The following NAALADL2 variants were observed in gnomAD, a reference collection of about 807,000 sequenced individuals.
The protein encoded by NAALADL2 is N-acetylated alpha-linked acidic dipeptidase like 2.
A neutral mutation model predicts 87.2 loss-of-function variants in NAALADL2; 76 were observed. That is an observed-to-expected ratio of 0.87 (90% CI 0.72 to 1.05). The LOEUF (loss-of-function observed/expected upper bound fraction) is 1.05, where lower values mean the gene tolerates loss of function less well. NAALADL2 is among the 50% of genes least tolerant of loss of function. The pLI is 0.00. For synonymous variants in NAALADL2, 354 were observed against 331.0 expected, an observed-to-expected ratio of 1.07 and a Z score of -0.75; for missense variants, 1,089 against 945.8, an observed-to-expected ratio of 1.15 and a Z score of -1.99.
At chr3:175,787,056 G>T (rs1752092962) in intron 13 of NAALADL2, among the ~76,000 whole-genome samples, 1 of 152,086 alleles carries the variant, frequency 6.6e-6, no homozygotes, top group South Asian at 2.1e-4. Flanking sequence ...ACTTGAGGAG[G>T]CAGTCTGCCT....
chr3:175,772,113 A>G (rs1749573111), intron 13 of NAALADL2, among the ~76,000 whole-genome samples: 1 of 152,190 alleles, frequency 6.6e-6, no homozygotes, highest in Non-Finnish European at 1.5e-5. Context: ...CTTTTTGCAA[A>G]TAAGGTAGCA....
chr3:175,001,908 A>G (rs984916449), intron 1 of NAALADL2, among the ~76,000 whole-genome samples: 1 of 152,122 alleles, frequency 6.6e-6, no homozygotes, highest in African/African-American at 2.4e-5. Flanking sequence ...CATGCCTACA[A>G]CAGTTTCTTT....
intron 3 of NAALADL2, among the ~76,000 whole-genome samples, chr3:174,767,799 ATATGTTTG>A (rs778378923): frequency 6.6e-6 from 1 of 152,142 alleles, no homozygotes; most frequent in South Asian, 2.1e-4. Context: ...TTATATGTTT[ATATGTTTG>A]TTTTCCTGTG....
intron 12 of NAALADL2, among the ~76,000 whole-genome samples, chr3:175,745,812 T>C (rs2150109718): frequency 6.6e-6 from 1 of 152,288 alleles, no homozygotes; most frequent in East Asian, 1.9e-4. Flanking sequence ...CTTACTAAAT[T>C]TGATGCTCCT....
intron 5 of NAALADL2, among the ~76,000 whole-genome samples, chr3:175,437,020 T>C (rs1232714423): frequency 7.8e-6 from 1 of 127,474 alleles, no homozygotes; most frequent in African/African-American, 3.0e-5. Context: ...CTTGAATTGA[T>C]TTTTGTATAA....
rs1482242090 is a variant in NAALADL2, at chr3:175,234,208, A to G, written c.819+4A>G. The G allele has an allele frequency of 8.7e-6, 14 of 1,612,174 alleles. No homozygotes were observed. The highest frequency in any genetic ancestry group is 5.3e-5 in the African/African-American group (4 of 74,856). ...TTCTGCCAAAGGAACTCTCAAGGTA[A>G]TATGACCATTTGTCTCTGTCATTTA... On this transcript the variant is annotated splice_donor_region_variant and intron_variant, in intron 3 of 13. Transcript: ENST00000454872.
intron 4 of NAALADL2, among the ~76,000 whole-genome samples, chr3:175,294,046 G>A (rs9880008): frequency 1.9e-3 from 285 of 152,146 alleles, no homozygotes; most frequent in African/African-American, 6.4e-3. Flanking sequence ...CCGAGCAGGC[G>A]GGTTACAACA....
At chr3:174,651,522 C>T (rs1395816886) in intron 2 of NAALADL2, among the ~76,000 whole-genome samples, 1 of 152,152 alleles carries the variant, frequency 6.6e-6, no homozygotes, top group African/African-American at 2.4e-5. Flanking sequence ...AACCTGGCTA[C>T]ATAATTGCTT....
At chr3:175,673,090 ATATT>A (rs1263497926) in intron 11 of NAALADL2, among the ~76,000 whole-genome samples, 1 of 152,098 alleles carries the variant, frequency 6.6e-6, no homozygotes, top group Non-Finnish European at 1.5e-5. Flanking sequence ...TTCCCTCTTA[ATATT>A]TATTTCCCTT....
In NAALADL2 at chr3:174,687,444, G is replaced by C. The variant is rs185084879; in HGVS notation, c.-114-50197G>C. 2.7e-4 allele frequency among the ~76,000 whole-genome samples: 41 copies of C among 151,976 alleles called. No homozygotes were observed. In the East Asian group the frequency reaches 6.8e-3, roughly 25 times the overall value. Reference sequence around the variant, plus strand: ...TTTATTATTTGTAATGTGTGTTTTGGCCTATTGGATTTAGAGGTGATTCGC... The same window carrying C: ...TTTATTATTTGTAATGTGTGTTTTGCCCTATTGGATTTAGAGGTGATTCGC... On this transcript the variant is annotated intron_variant, in intron 2 of 3. Coordinates refer to the NAALADL2 transcript ENST00000434257.
chr3:174,797,407 G>T (rs1718270168), intron 3 of NAALADL2, among the ~76,000 whole-genome samples: 1 of 145,240 alleles, frequency 6.9e-6, no homozygotes, highest in Non-Finnish European at 1.5e-5. Context: ...TGCCTCCCGG[G>T]TTCAAGCGAT....
intron 4 of NAALADL2, among the ~76,000 whole-genome samples, chr3:175,268,313 G>T (rs550981259): frequency 6.6e-6 from 1 of 152,074 alleles, no homozygotes; most frequent in Non-Finnish European, 1.5e-5. Flanking sequence ...CATAGAAAAA[G>T]TACAGTAAAA....
chr3:175,681,441 T>C (rs530924107), intron 11 of NAALADL2, among the ~76,000 whole-genome samples: 144 of 152,318 alleles, frequency 9.5e-4, no homozygotes, highest in African/African-American at 3.3e-3. Flanking sequence ...TGTTGTACTT[T>C]CTAAATTTAA....
intron 9 of NAALADL2, among the ~76,000 whole-genome samples, chr3:175,492,765 ATAT>A (rs1262603997): frequency 2.0e-5 from 3 of 152,130 alleles, no homozygotes; most frequent in Admixed American, 6.6e-5. Context: ...AGCTGTGTAA[ATAT>A]TATTCCACTA....
chr3:175,363,676 T>G (rs1765267476), intron 5 of NAALADL2, among the ~76,000 whole-genome samples: 1 of 148,146 alleles, frequency 6.8e-6, no homozygotes, highest in African/African-American at 2.5e-5. Context: ...CACTCTCATT[T>G]TACTCTATTT....
chr3:175,361,175 T>C (rs981369633), intron 5 of NAALADL2, among the ~76,000 whole-genome samples: 4 of 152,142 alleles, frequency 2.6e-5, no homozygotes, highest in African/African-American at 9.7e-5. Context: ...AGTTCATCCA[T>C]GTCCCTACGA....
At chr3:175,378,752 T>A (rs1767449572) in intron 5 of NAALADL2, among the ~76,000 whole-genome samples, 1 of 152,118 alleles carries the variant, frequency 6.6e-6, no homozygotes, top group Non-Finnish European at 1.5e-5. Context: ...GTTGCCTCAT[T>A]TCAGGATTCA....
chr3:175,212,047 T>C (rs1255928528), intron 2 of NAALADL2, among the ~76,000 whole-genome samples: 1 of 152,072 alleles, frequency 6.6e-6, no homozygotes, highest in Non-Finnish European at 1.5e-5. Flanking sequence ...ATAACTGTTG[T>C]AATGTTTTGT....
intron 1 of NAALADL2, among the ~76,000 whole-genome samples, chr3:174,875,143 T>C (rs946210792): frequency 3.9e-5 from 3 of 77,686 alleles, no homozygotes; most frequent in Admixed American, 1.3e-4. Flanking sequence ...AAAAAAAAAA[T>C]CACGATTGGC....
Sources: allele counts gnomAD v4.1 joint callset (sites outside exome capture counted in the v4.1 genomes callset), GRCh38; gene constraint gnomAD v4.1.1; transcripts MANE v1.5; gene names NCBI Gene and HGNC (gene_info 2026-07-23, HGNC 2026-07-21).